RPL15: variants seen among roughly 807,000 people sequenced by gnomAD.
The protein encoded by RPL15 is ribosomal protein L15.
For missense variants in RPL15, 161 were observed against 271.8 expected, an observed-to-expected ratio of 0.59 and a Z score of 2.87; for synonymous variants, 97 against 95.1, an observed-to-expected ratio of 1.02 and a Z score of -0.12.
Position 23,919,289 on chromosome 3 carries a change from A to G in RPL15, c.403A>G (p.Ile135Val). The stretch of plus-strand genomic sequence containing the variant: ...ATACAAATTTTTTGAGGTTATCCTC[A>G]TTGATCCATTCCATAAAGCTATCAG... Reference protein sequence around the residue: ...STYKFFEVILIDPFHKAIRRN... With the variant: ...STYKFFEVILVDPFHKAIRRN... Residue 135 changes from isoleucine (I) to valine (V), a missense_variant, in exon 4 of 4, where the codon ATT (isoleucine) becomes GTT (valine). By Grantham distance (29) the Ile-to-Val change is conservative. Coordinates refer to ENST00000307839, the MANE Select transcript of RPL15 (RefSeq NM_002948.5). 6.2e-7 allele frequency: 1 copy of G among 1,608,694 alleles called. No homozygotes were observed. Among genetic ancestry groups the G allele is most frequent in the Non-Finnish European group, 8.5e-7 (1 of 1,178,822 alleles).
Position 23,918,427 on chromosome 3 carries a change from T to G in RPL15, c.173-13T>G. On this transcript the variant is annotated splice_polypyrimidine_tract_variant and intron_variant, in intron 2 of 3. Transcript: ENST00000307839. ...CCTATAAAATCACTAATTTCGTGTGTGTTTGTGTGTAGGTTACGTTATATA... is the reference window on the plus strand; with the variant it reads ...CCTATAAAATCACTAATTTCGTGTGGGTTTGTGTGTAGGTTACGTTATATA... 3.7e-6 allele frequency: 6 copies of G among 1,610,612 alleles called. No homozygotes were observed. The highest frequency in any genetic ancestry group is 5.1e-6 in the Non-Finnish European group (6 of 1,179,206).
chr3:23,921,670 G>C (rs1379876725), downstream of RPL15: 1 of 677,464 alleles, frequency 1.5e-6, no homozygotes, highest in Non-Finnish European at 2.7e-6. Context: ...TGTCTCCCGG[G>C]TTTGAGCAAT....
In RPL15 at chr3:23,919,769, A is replaced by C; in HGVS notation, c.*268A>C. 8.6e-7 allele frequency: 1 copy of C among 1,159,492 alleles called. No individual in the cohort carries two copies. The highest frequency in any genetic ancestry group is 1.1e-6 in the Non-Finnish European group (1 of 941,280). The allele number at this position is 1,159,492 out of a possible 1,614,324, so 71.8% of individuals were successfully genotyped here. ...CATACTGTGTGGTATAACAGGCTTA[A>C]TAAATTCTTTAAAAGGAGAGAACTG... On this transcript the variant is annotated 3_prime_UTR_variant, in exon 4 of 4. Coordinates refer to ENST00000307839, the MANE Select transcript of RPL15 (RefSeq NM_002948.5).
Position 23,919,853 on chromosome 3 carries a change from G to A in RPL15, c.*352G>A, listed in dbSNP as rs1471198638. ...ATGAAACCTGCAGCTTTATCGGAGT[G>A]ATGGCAATGCTCTGCTGGTTTATTT... On this transcript the variant is annotated 3_prime_UTR_variant, in exon 4 of 4. Transcript: ENST00000307839. The A allele has an allele frequency of 1.4e-5, 14 of 1,016,264 alleles. No homozygotes were observed. The highest frequency in any genetic ancestry group is 1.5e-5 in the Non-Finnish European group (13 of 850,340). 63.0% of individuals were successfully genotyped at this position (1,016,264 alleles called of 1,614,324 possible).
rs747823058 is a variant in RPL15 at position 23,920,376 on chromosome 3, GCA to G, written c.*876_*877del. The G allele has an allele frequency of 1.5e-5, 15 of 985,140 alleles. No individual in the cohort carries two copies. The highest frequency in any genetic ancestry group is 1.7e-5 in the Non-Finnish European group (14 of 829,714). The allele number at this position is 985,140 out of a possible 1,614,324, so 61.0% of individuals were successfully genotyped here. A position where few individuals can be genotyped will look rare whatever the true frequency, so the allele number is the denominator to read the frequency against. On this transcript the variant is annotated 3_prime_UTR_variant, in exon 4 of 4. Transcript: ENST00000307839. Reference sequence around the variant, plus strand: ...ATAGGCTACAGAAAAAGTCACAAGCGCATGGTTTCCAACCATATGTGTTTTCT... The same window carrying G: ...ATAGGCTACAGAAAAAGTCACAAGCGTGGTTTCCAACCATATGTGTTTTCT...
At chr3:23,921,380 C>T (rs1475767687), downstream of RPL15, among the ~76,000 whole-genome samples, 1 of 152,200 alleles carries the variant, frequency 6.6e-6, no homozygotes. Flanking sequence ...CTGCAGTCCA[C>T]ACCCCAGGCT....
At position 23,919,504 on chromosome 3, in the gene RPL15, T is replaced by C. The variant is rs4024643; in HGVS notation, c.*3T>C. 8.3e-6 allele frequency: 13 copies of C among 1,558,088 alleles called. No homozygotes were observed. The highest frequency in any genetic ancestry group is 1.2e-5 in the South Asian group (1 of 86,284). ...TCCAGCTCCACCGTTACCGCTAATA[T>C]AAGTAAAGTTTGTAAAATTCATACT... On this transcript the variant is annotated 3_prime_UTR_variant, in exon 4 of 4. Coordinates refer to ENST00000307839, the MANE Select transcript of RPL15 (RefSeq NM_002948.5).
chr3:23,918,710 TTGG>T, intron 3 of RPL15, 134 bp downstream of exon 3: 1 of 1,073,558 alleles, frequency 9.3e-7, no homozygotes, highest in East Asian at 2.4e-5. Context: ...TTTACTAATC[TTGG>T]TGAAGAGTAA....
At chr3:23,921,745 T>A, downstream of RPL15, 2 of 612,772 alleles carry the variant, frequency 3.3e-6, no homozygotes, top group Non-Finnish European at 5.8e-6. Flanking sequence ...CAGCTAAGTT[T>A]TGTATTTTTA....
rs567690775 is a variant in RPL15, at chr3:23,920,176, A to G, written c.*675A>G. ...TGGTGAGCCAGTGGCCATTAGATAA[A>G]TACCTTTCAAGTGTGAGCTTAGACG... On this transcript the variant is annotated 3_prime_UTR_variant, in exon 4 of 4. Transcript: ENST00000307839. 27 of 985,808 alleles carry G rather than the reference A, an allele frequency of 2.7e-5. No individual in the cohort carries two copies. In the African/African-American group the frequency reaches 4.2e-4, roughly 15 times the overall value. 61.1% of individuals were successfully genotyped at this position (985,808 alleles called of 1,614,324 possible).
In RPL15 at chr3:23,920,168, T is replaced by G; in HGVS notation, c.*667T>G. The G allele has an allele frequency of 1.0e-6, 1 of 985,824 alleles. No homozygotes were observed. Among genetic ancestry groups the G allele is most frequent in the Non-Finnish European group, 1.2e-6 (1 of 829,904 alleles). 61.1% of individuals were successfully genotyped at this position (985,824 alleles called of 1,614,324 possible). ...TGGGAAGCTGGTGAGCCAGTGGCCATTAGATAAATACCTTTCAAGTGTGAG... is the reference window on the plus strand; with the variant it reads ...TGGGAAGCTGGTGAGCCAGTGGCCAGTAGATAAATACCTTTCAAGTGTGAG... On this transcript the variant is annotated 3_prime_UTR_variant, in exon 4 of 4. Transcript: ENST00000307839.
intron 1 of RPL15, 40 bp from the exon 2 acceptor site, chr3:23,917,810 T>C (rs1704732648): frequency 1.3e-6 from 2 of 1,560,472 alleles, no homozygotes; most frequent in Non-Finnish European, 1.7e-6. Context: ...CTTATTGTAC[T>C]TAAAGCGGAT....
chr3:23,920,407 G>GT lies in RPL15; in HGVS notation c.*908dup. 1 of 985,416 alleles carries GT rather than the reference G, an allele frequency of 1.0e-6. No homozygotes were observed. The highest frequency in any genetic ancestry group is 1.2e-6 in the Non-Finnish European group (1 of 829,912). 61.0% of individuals were successfully genotyped at this position (985,416 alleles called of 1,614,324 possible). On this transcript the variant is annotated 3_prime_UTR_variant, in exon 4 of 4. Transcript: ENST00000307839. Reference sequence around the variant, plus strand: ...TTTCCAACCATATGTGTTTTCTGCAGTTATTTCTCTTGTTCTGGCCAAACA... The same window carrying GT: ...TTTCCAACCATATGTGTTTTCTGCAGTTTATTTCTCTTGTTCTGGCCAAACA...
intron 3 of RPL15, 188 bp downstream of exon 3, chr3:23,918,764 A>G (rs1478499026): frequency 2.3e-5 from 16 of 688,564 alleles, no homozygotes; most frequent in Middle Eastern, 3.3e-4. Context: ...GCGTGTGTAT[A>G]TACTGGAAGT....
In RPL15 at chr3:23,919,776, C is replaced by A; in HGVS notation, c.*275C>A. On this transcript the variant is annotated 3_prime_UTR_variant, in exon 4 of 4. Coordinates refer to ENST00000307839, the MANE Select transcript of RPL15 (RefSeq NM_002948.5). ...TGTGGTATAACAGGCTTAATAAATTCTTTAAAAGGAGAGAACTGAAACTAG... is the reference window on the plus strand; with the variant it reads ...TGTGGTATAACAGGCTTAATAAATTATTTAAAAGGAGAGAACTGAAACTAG... The A allele has an allele frequency of 4.4e-6, 5 of 1,139,022 alleles. No individual in the cohort carries two copies. The highest frequency in any genetic ancestry group is 5.4e-6 in the Non-Finnish European group (5 of 928,274). The allele number at this position is 1,139,022 out of a possible 1,614,324, so 70.6% of individuals were successfully genotyped here. A position where few individuals can be genotyped will look rare whatever the true frequency, so the allele number is the denominator to read the frequency against.
downstream of RPL15, chr3:23,923,367 C>T (rs533481393): frequency 1.3e-5 from 2 of 152,196 alleles, no homozygotes; most frequent in Admixed American, 1.3e-4. Context: ...TTACAGGTGC[C>T]TGCCACTACA....
chr3:23,924,003 G>A (rs545185385), downstream of RPL15: 3 of 152,318 alleles, frequency 2.0e-5, no homozygotes, highest in East Asian at 3.9e-4. Context: ...CATGCATTTA[G>A]GTTGGGGTCA....
intron 3 of RPL15, 158 bp from the exon 4 acceptor site, chr3:23,919,038 T>TAC: frequency 1.6e-6 from 1 of 621,172 alleles, no homozygotes; most frequent in East Asian, 2.7e-5. Context: ...ATTATCTCAT[T>TAC]ACACTTGTGA....
downstream of RPL15, chr3:23,923,900 C>A (rs1419907019): frequency 2.6e-5 from 4 of 152,140 alleles, no homozygotes; most frequent in Non-Finnish European, 5.9e-5. Context: ...TTTTATTTTG[C>A]ATTCTGAGTG....
Sources: gnomAD v4.1 joint callset for allele counts (sites outside exome capture counted in the v4.1 genomes callset) on GRCh38, gnomAD v4.1.1 for gene constraint, MANE v1.5 for transcripts, NCBI Gene and HGNC (gene_info 2026-07-23, HGNC 2026-07-21) for gene names.